MCF2L2: variants seen among roughly 807,000 people sequenced by gnomAD.
MCF2L2 encodes the protein MCF.2 cell line derived transforming sequence-like 2, also known as probable guanine nucleotide exchange factor MCF2L2.
MCF2L2 carries 102 observed loss-of-function variants against 150.2 expected under a neutral mutation model. The observed-to-expected ratio is 0.68, with a 90% confidence interval of 0.58 to 0.80. MCF2L2 has a LOEUF of 0.80. Ranked by LOEUF, MCF2L2 falls within the 30% of genes least tolerant of loss-of-function variation. The pLI is 0.00. For synonymous variants in MCF2L2, 465 were observed against 491.3 expected (o/e 0.95, Z 0.71); for missense variants, 1,256 against 1,372.8 (o/e 0.91, Z 1.34).
intron 1 of MCF2L2, among the ~76,000 whole-genome samples, chr3:183,390,999 C>G (rs1022017651): frequency 1.3e-5 from 2 of 152,214 alleles, no homozygotes; most frequent in African/African-American, 2.4e-5. Context: ...ATGAACCAAA[C>G]AACCTGTGCT....
rs1187224707 is a variant in MCF2L2, at chr3:183,428,283, C to T, written c.-306G>A. 1 of 327,436 alleles carries T rather than the reference C, an allele frequency of 3.1e-6. No individual in the cohort carries two copies. Among genetic ancestry groups the T allele is most frequent in the Non-Finnish European group, 5.6e-6 (1 of 178,822 alleles). 20.3% of individuals were successfully genotyped at this position (327,436 alleles called of 1,614,324 possible). A position where few individuals can be genotyped will look rare whatever the true frequency, so the allele number is the denominator to read the frequency against. ...CGCCGGAACCGCGCCCCGGCTCCTC[C>T]GGCCGGGCGAGCTCCGGGGCTTCCA... On this transcript the variant is annotated 5_prime_UTR_variant, in exon 1 of 30. Transcript: ENST00000328913. This position sits in a 1 kb window ranked among gnomAD's most constrained non-coding sequence, Gnocchi z 5.1.
In MCF2L2 at chr3:183,270,986, A is replaced by G. The variant is rs779649554; in HGVS notation, c.1862+5886T>C. On this transcript the variant is annotated intron_variant, in intron 15 of 29. Coordinates refer to ENST00000328913, the MANE Select transcript of MCF2L2 (RefSeq NM_015078.4). The surrounding 1 kb of genome is among the most constrained non-coding windows in gnomAD (Gnocchi z 4.5). ...ACTGTCACTGAGTCAAACCTGGATG[A>G]AAAAAACCTTTAAATGTTCGTCTAT... is the stretch of plus-strand genomic sequence containing the variant. 4 of 1,478,670 alleles carry G rather than the reference A, an allele frequency of 2.7e-6. No homozygotes were observed. Among genetic ancestry groups the G allele is most frequent in the Non-Finnish European group, 3.6e-6 (4 of 1,103,506 alleles). 91.6% of individuals were successfully genotyped at this position (1,478,670 alleles called of 1,614,324 possible). A position where few individuals can be genotyped will look rare whatever the true frequency, so the allele number is the denominator to read the frequency against.
At chr3:183,189,020 G>A (rs1472517753) in intron 27 of MCF2L2, among the ~76,000 whole-genome samples, 1 of 152,054 alleles carries the variant, frequency 6.6e-6, no homozygotes, top group African/African-American at 2.4e-5. Context: ...TTTCTAACCT[G>A]AAGGGGTCTG....
chr3:183,406,446 T>C (rs1327377576), intron 1 of MCF2L2, among the ~76,000 whole-genome samples: 1 of 152,236 alleles, frequency 6.6e-6, no homozygotes, highest in African/African-American at 2.4e-5. Flanking sequence ...AGAGTTCTTT[T>C]TATACATTCT....
At chr3:183,222,674 C>G (rs1723190932) in intron 20 of MCF2L2, among the ~76,000 whole-genome samples, 2 of 152,028 alleles carry the variant, frequency 1.3e-5, no homozygotes, top group Admixed American at 1.3e-4. Flanking sequence ...CAAGAGCTAC[C>G]TAAATGCCTT....
chr3:183,360,913 G>C (rs1712096739), intron 3 of MCF2L2, among the ~76,000 whole-genome samples: 1 of 149,650 alleles, frequency 6.7e-6, no homozygotes, highest in African/African-American at 2.5e-5. Flanking sequence ...AGGTTGCAGT[G>C]AGCTGAGATA....
chr3:183,222,537 A>C (rs527777682), intron 20 of MCF2L2, among the ~76,000 whole-genome samples: 1 of 151,836 alleles, frequency 6.6e-6, no homozygotes, highest in African/African-American at 2.4e-5. Context: ...GCAGAGTCTC[A>C]CTCTGTCTCA....
chr3:183,272,473 ATACT>A (rs1375283404), intron 15 of MCF2L2: 9 of 999,364 alleles, frequency 9.0e-6, no homozygotes, highest in East Asian at 1.1e-4. Context: ...CTGAATGATG[ATACT>A]TACAATTTTT....
At chr3:183,228,495 A>G in intron 17 of MCF2L2, 129 bp from the exon 18 acceptor site, 1 of 593,146 alleles carries the variant, frequency 1.7e-6, no homozygotes, top group Non-Finnish European at 3.0e-6. Context: ...TCTTGCTCTT[A>G]TCTTCTACAC....
chr3:183,381,167 G>A (rs963708768), intron 2 of MCF2L2, among the ~76,000 whole-genome samples: 2 of 152,182 alleles, frequency 1.3e-5, no homozygotes, highest in Non-Finnish European at 2.9e-5. Context: ...AGGAATCATG[G>A]CTCTCAAGGC....
intron 1 of MCF2L2, among the ~76,000 whole-genome samples, chr3:183,390,163 A>G (rs1714059204): frequency 6.6e-6 from 1 of 152,170 alleles, no homozygotes; most frequent in African/African-American, 2.4e-5. Flanking sequence ...AAACAACATA[A>G]GTTACTAGAG....
chr3:183,423,890 G>A (rs1037608577), intron 1 of MCF2L2, among the ~76,000 whole-genome samples: 1 of 151,864 alleles, frequency 6.6e-6, no homozygotes, highest in South Asian at 2.1e-4. Flanking sequence ...CCAAAGTGCT[G>A]GGATTACAGG....
chr3:183,276,772 T>G, intron 15 of MCF2L2, 100 bp downstream of exon 15: 1 of 780,620 alleles, frequency 1.3e-6, no homozygotes, highest in Admixed American at 2.6e-5. Flanking sequence ...ATTATGATTC[T>G]TATCTGGGAA....
intron 1 of MCF2L2, among the ~76,000 whole-genome samples, chr3:183,420,271 C>T (rs568899391): frequency 6.6e-6 from 1 of 152,176 alleles, no homozygotes; most frequent in South Asian, 2.1e-4. Context: ...ACTCTTAGTA[C>T]CAATTCTCTG....
chr3:183,272,240 A>G (rs145613811), intron 15 of MCF2L2: 21 of 1,000,124 alleles, frequency 2.1e-5, no homozygotes, highest in African/African-American at 3.5e-5. Flanking sequence ...AAATGTGGCT[A>G]TAATACACAC....
intron 22 of MCF2L2, among the ~76,000 whole-genome samples, chr3:183,209,447 T>G (rs1055197901): frequency 2.6e-5 from 4 of 152,194 alleles, no homozygotes; most frequent in African/African-American, 4.8e-5. Flanking sequence ...TGGGTGGCAG[T>G]CAAAACACAG....
chr3:183,359,749 T>C (rs925407215), intron 3 of MCF2L2, among the ~76,000 whole-genome samples: 1 of 152,190 alleles, frequency 6.6e-6, no homozygotes, highest in African/African-American at 2.4e-5. Flanking sequence ...GGGTGCCATA[T>C]AGGCTGTTGT....
At chr3:183,422,581 T>C (rs1715937855) in intron 1 of MCF2L2, among the ~76,000 whole-genome samples, 2 of 152,118 alleles carry the variant, frequency 1.3e-5, no homozygotes, top group Non-Finnish European at 2.9e-5. Context: ...CTCCAGGAAC[T>C]TGGCCTCAGC....
chr3:183,423,844 A>T (rs1716022485), intron 1 of MCF2L2, among the ~76,000 whole-genome samples: 1 of 151,588 alleles, frequency 6.6e-6, no homozygotes. Context: ...GTCAGGCTGA[A>T]CTCCCGACCT....
Sources: gnomAD v4.1 joint callset for allele counts (sites outside exome capture counted in the v4.1 genomes callset) on GRCh38, gnomAD v4.1.1 for gene constraint, Gnocchi (gnomAD v3.1) non-coding constraint, MANE v1.5 for transcripts, NCBI Gene and HGNC (gene_info 2026-07-23, HGNC 2026-07-21) for gene names.